The following PCNX2 variants were observed in gnomAD, a reference collection of about 807,000 sequenced individuals.
PCNX2 encodes the protein pecanex 2.
In PCNX2, 168 loss-of-function variants were observed where a neutral mutation model predicts 223.8. The ratio of observed to expected loss-of-function variants is 0.75; its 90% CI spans 0.66 to 0.85. The LOEUF (loss-of-function observed/expected upper bound fraction) is 0.85. PCNX2 is among the 40% of genes least tolerant of loss of function. The pLI is 0.00. For synonymous variants in PCNX2, 1,006 were observed against 1,052.6 expected (o/e 0.96, Z 0.86); for missense variants, 2,507 against 2,675.5 (o/e 0.94, Z 1.39).
At chr1:233,309,292 A>G in the PCNX2 span, among the ~76,000 whole-genome samples, 1 of 152,120 alleles carries the variant, frequency 6.6e-6, no homozygotes, top group African/African-American at 2.4e-5. Flanking sequence ...CTATAATCCC[A>G]TGGCTTTGGG....
intron 13 of PCNX2, among the ~76,000 whole-genome samples, chr1:233,206,555 AAAAGT>A (rs1681477067): frequency 6.6e-6 from 1 of 152,160 alleles, no homozygotes; most frequent in Non-Finnish European, 1.5e-5. Context: ...GGACTGAAAA[AAAAGT>A]AAAGTAAAAA....
chr1:233,147,305 G>A (rs1048631200), intron 19 of PCNX2, among the ~76,000 whole-genome samples: 6 of 152,306 alleles, frequency 3.9e-5, no homozygotes, highest in Admixed American at 1.3e-4. Context: ...TCTGTTATAT[G>A]TATTATATAC....
chr1:233,259,019 T>G lies in PCNX2; in HGVS notation c.843A>C (p.Ser281=), dbSNP rs759894413. The change falls in exon 5 of 34, where the codon TCA becomes TCC. Residue 281 remains serine (S), a synonymous_variant. Coordinates refer to ENST00000258229, the MANE Select transcript of PCNX2 (RefSeq NM_014801.4). ...AACTGACAGGTTCTGGAATCAGGAC[T>G]GAATTCTCACTCCCCCACGGCTGGA... ...VSFQPWGSEN[S]VLIPEPVSCP... 2 of 1,613,956 alleles carry G rather than the reference T, an allele frequency of 1.2e-6. No individual in the cohort carries two copies. Among genetic ancestry groups the G allele is most frequent in the Non-Finnish European group, 1.7e-6 (2 of 1,179,874 alleles).
chr1:233,173,536 C>G (rs1479373047), intron 17 of PCNX2, among the ~76,000 whole-genome samples: 1 of 152,188 alleles, frequency 6.6e-6, no homozygotes, highest in East Asian at 1.9e-4. Flanking sequence ...TTTTTAAAAA[C>G]TATTAGCTGC....
intron 25 of PCNX2, among the ~76,000 whole-genome samples, chr1:233,036,387 T>C (rs1461561540): frequency 6.6e-6 from 1 of 152,160 alleles, no homozygotes; most frequent in Non-Finnish European, 1.5e-5. Context: ...TCCCAGCACT[T>C]TGGGAGGCCG....
In PCNX2 at chr1:232,984,338, G is replaced by A. The variant is rs202086043; in HGVS notation, c.6380C>T (p.Thr2127Met). Residue 2127 changes from threonine (T) to methionine (M), a missense_variant, in exon 34 of 34, where the codon ACG becomes ATG. By Grantham distance (81) the Thr-to-Met change is moderately conservative. Transcript: ENST00000258229. The part of the protein sequence containing the change: ...ASQEDMGLDD[T>M]ASQQSVSDEQ ...GTCTGACACACTTTGCTGCGAGGCCGTGTCGTCCAGGCCCATGTCCTCCTG... is the reference window on the plus strand; with the variant it reads ...GTCTGACACACTTTGCTGCGAGGCCATGTCGTCCAGGCCCATGTCCTCCTG... The A allele has an allele frequency of 5.3e-5, 86 of 1,611,046 alleles. No individual in the cohort carries two copies. The highest frequency in any genetic ancestry group is 5.5e-5 in the South Asian group (5 of 90,754).
At chr1:233,247,548 C>T (rs1490552424) in intron 8 of PCNX2, among the ~76,000 whole-genome samples, 2 of 151,938 alleles carry the variant, frequency 1.3e-5, no homozygotes, top group Non-Finnish European at 2.9e-5. Context: ...GGTCTCAAAC[C>T]CCGAGACTCA....
At chr1:232,992,999 T>C (rs1571987796) in intron 32 of PCNX2, among the ~76,000 whole-genome samples, 1 of 152,344 alleles carries the variant, frequency 6.6e-6, no homozygotes, top group South Asian at 2.1e-4. Flanking sequence ...CAGTCTCAGG[T>C]TGTATCTTTA....
intron 5 of PCNX2, among the ~76,000 whole-genome samples, chr1:233,254,603 G>GA (rs1428466516): frequency 2.0e-5 from 3 of 151,162 alleles, no homozygotes; most frequent in African/African-American, 7.3e-5. Context: ...CTATACAAAA[G>GA]AAAAAACTTT....
chr1:233,297,939 A>G (rs1662200370), upstream of PCNX2, among the ~76,000 whole-genome samples: 1 of 152,190 alleles, frequency 6.6e-6, no homozygotes, highest in Non-Finnish European at 1.5e-5. Flanking sequence ...ATGATTTTCC[A>G]TTTTGGGTTG....
chr1:233,310,785 GCCTCAGGCTGCTT>G, the PCNX2 span, among the ~76,000 whole-genome samples: 1 of 152,174 alleles, frequency 6.6e-6, no homozygotes, highest in Admixed American at 6.5e-5. Flanking sequence ...TCTGGTGAGG[GCCTCAGGCTGCTT>G]CCACTCATAG....
Position 233,237,035 on chromosome 1 carries a change from A to G in PCNX2, c.2223-55T>C, listed in dbSNP as rs533109001. On this transcript the variant is annotated intron_variant, in intron 8 of 33. Coordinates refer to ENST00000258229, the MANE Select transcript of PCNX2 (RefSeq NM_014801.4). ...TACCTGGTAATACCAGAAGTCATCT[A>G]TTTATTATACACAAACACAAGGACA... is the stretch of plus-strand genomic sequence containing the variant. 6.9e-6 allele frequency: 11 copies of G among 1,604,922 alleles called. No homozygotes were observed. The African/African-American group carries it at 1.5e-4, about 21-fold the overall frequency.
intron 23 of PCNX2, among the ~76,000 whole-genome samples, chr1:233,065,831 T>C (rs539059184): frequency 3.0e-4 from 45 of 152,288 alleles, no homozygotes; most frequent in Non-Finnish European, 5.7e-4. Flanking sequence ...GTATCAGTGA[T>C]AGCAGCAGAA....
chr1:233,040,061 A>G (rs1177496657), intron 25 of PCNX2, among the ~76,000 whole-genome samples: 1 of 152,262 alleles, frequency 6.6e-6, no homozygotes, highest in Non-Finnish European at 1.5e-5. Context: ...AAAGGTAGTT[A>G]CATAAATAAT....
chr1:233,195,770 GAAGT>G (rs1420993884), intron 15 of PCNX2, among the ~76,000 whole-genome samples: 4 of 152,100 alleles, frequency 2.6e-5, no homozygotes, highest in Non-Finnish European at 5.9e-5. Context: ...ACCTGAGAAC[GAAGT>G]AACAAAGACT....
intron 26 of PCNX2, among the ~76,000 whole-genome samples, chr1:233,024,670 G>C (rs1203058317): frequency 6.6e-6 from 1 of 152,212 alleles, no homozygotes; most frequent in Non-Finnish European, 1.5e-5. Context: ...CTCCATGTGA[G>C]TTAGGGGGAA....
intron 1 of PCNX2, among the ~76,000 whole-genome samples, chr1:233,275,813 C>T (rs181426363): frequency 1.6e-3 from 241 of 151,782 alleles, no homozygotes; most frequent in African/African-American, 5.3e-3. Context: ...GGGCGGATCA[C>T]GAGGTCAGGA....
At chr1:232,987,144 C>T (rs936838578) in intron 32 of PCNX2, among the ~76,000 whole-genome samples, 3 of 152,252 alleles carry the variant, frequency 2.0e-5, no homozygotes, top group African/African-American at 7.2e-5. Context: ...GGCCTTGCTT[C>T]CCATGCTCTT....
At chr1:233,148,254 G>C (rs1677580212) in intron 19 of PCNX2, among the ~76,000 whole-genome samples, 1 of 152,128 alleles carries the variant, frequency 6.6e-6, no homozygotes, top group South Asian at 2.1e-4. Context: ...GGTGGGTGTT[G>C]AGTACAACAT....
Sources: gnomAD v4.1 joint callset for allele counts (sites outside exome capture counted in the v4.1 genomes callset) on GRCh38, gnomAD v4.1.1 for gene constraint, MANE v1.5 for transcripts, NCBI Gene and HGNC (gene_info 2026-07-23, HGNC 2026-07-21) for gene names.